CDC25A: variants seen among roughly 807,000 people sequenced by gnomAD.
CDC25A encodes M-phase inducer phosphatase 1.
CDC25A carries 17 observed loss-of-function variants against 64.6 expected under a neutral mutation model. The observed-to-expected ratio is 0.26, with a 90% CI of 0.18 to 0.39. CDC25A has a LOEUF of 0.39. Among genes scored for constraint, CDC25A ranks in the 10% least tolerant of loss-of-function variants. CDC25A has a pLI of 1.00. For synonymous variants in CDC25A, 229 were observed against 238.6 expected, an observed-to-expected ratio of 0.96 and a Z score of 0.37; for missense variants, 473 against 654.8, an observed-to-expected ratio of 0.72 and a Z score of 3.03.
In CDC25A at chr3:48,157,416, C is replaced by CGT. The variant is rs1279326926; in HGVS notation, c.*1527_*1528dup. 2.0e-5 allele frequency: 3 copies of CGT among 152,602 alleles called. No individual in the cohort carries two copies. Among genetic ancestry groups the CGT allele is most frequent in the African/African-American group, 7.2e-5 (3 of 41,434 alleles). The allele number at this position is 152,602 out of a possible 1,614,324, so 9.5% of individuals were successfully genotyped here. ...TTTATAGCCAAATGTAACTCAAACC[C>CGT]GTAACACAGCAACTAGCCATCTCCA... On this transcript the variant is annotated 3_prime_UTR_variant, in exon 15 of 15. Coordinates refer to ENST00000302506, the MANE Select transcript of CDC25A (RefSeq NM_001789.3).
At chr3:48,163,777 C>T (rs1383293601) in intron 13 of CDC25A, among the ~76,000 whole-genome samples, 1 of 152,128 alleles carries the variant, frequency 6.6e-6, no homozygotes, top group Non-Finnish European at 1.5e-5. Context: ...ATACGGATCC[C>T]CACTTGGATC....
intron 10 of CDC25A, 63 bp from the exon 11 acceptor site, chr3:48,165,956 G>A (rs1277580252): frequency 2.7e-6 from 3 of 1,125,564 alleles, no homozygotes; most frequent in East Asian, 4.7e-5. Context: ...CACTTATACT[G>A]TTTTGTCTGG....
intron 9 of CDC25A, among the ~76,000 whole-genome samples, chr3:48,168,350 A>G (rs1435761360): frequency 7.7e-6 from 1 of 130,652 alleles, no homozygotes; most frequent in Non-Finnish European, 1.6e-5. Flanking sequence ...ATCAAAGAGC[A>G]AGACCCTGTC....
At chr3:48,168,275 C>G (rs1486554098) in intron 9 of CDC25A, among the ~76,000 whole-genome samples, 1 of 150,482 alleles carries the variant, frequency 6.6e-6, no homozygotes, top group Non-Finnish European at 1.5e-5. Context: ...TCACTTGAGC[C>G]CAGGAGTTCC....
intron 5 of CDC25A, among the ~76,000 whole-genome samples, chr3:48,182,261 G>A (rs983913669): frequency 1.3e-5 from 2 of 152,206 alleles, no homozygotes; most frequent in African/African-American, 4.8e-5. Context: ...TAAGGACAAG[G>A]ATTATGAACT....
intron 9 of CDC25A, among the ~76,000 whole-genome samples, chr3:48,168,311 A>C (rs1021298532): frequency 2.0e-5 from 3 of 149,510 alleles, no homozygotes; most frequent in Non-Finnish European, 4.4e-5. Context: ...AGGCAGGTGA[A>C]TCGCTTGAGC....
At chr3:48,170,843 GGAA>G (rs1320906469) in intron 9 of CDC25A, among the ~76,000 whole-genome samples, 4 of 151,908 alleles carry the variant, frequency 2.6e-5, no homozygotes, top group Admixed American at 6.6e-5. Flanking sequence ...TGACAGAAGG[GGAA>G]GAAGACTAAA....
rs3731540 is a variant in CDC25A at position 48,167,533 on chromosome 3, C to T, written c.1029+313G>A. On this transcript the variant is annotated intron_variant, in intron 10 of 14. Transcript: ENST00000302506. ...GCTACAGATTTATTTCTGCTGTACA[C>T]TATCCTGCTAATTACTATTTTTATA... Among the ~76,000 whole-genome samples, 235 of 152,304 alleles carry T rather than the reference C, an allele frequency of 1.5e-3. 2 individuals are homozygous for T. Among genetic ancestry groups the T allele is most frequent in the African/African-American group, 5.5e-3 (228 of 41,572 alleles).
At chr3:48,183,377 G>A (rs539397351) in intron 4 of CDC25A, among the ~76,000 whole-genome samples, 5 of 152,356 alleles carry the variant, frequency 3.3e-5, no homozygotes, top group African/African-American at 1.2e-4. Context: ...AATTCCTCCA[G>A]ACCGAACATC....
chr3:48,187,961 C>T lies in CDC25A; in HGVS notation c.-14G>A. The T allele has an allele frequency of 6.8e-7, 1 of 1,463,234 alleles. No homozygotes were observed. The highest frequency in any genetic ancestry group is 1.4e-5 in the South Asian group (1 of 73,540). The allele number at this position is 1,463,234 out of a possible 1,614,324, so 90.6% of individuals were successfully genotyped here. The stretch of plus-strand genomic sequence containing the variant: ...GCCCAGTTCCATGGCGGCGCCCGGC[C>T]TCGCAGAGCTCCCGCTCCCTCTTCC... On this transcript the variant is annotated 5_prime_UTR_variant, in exon 1 of 15. Transcript: ENST00000302506.
chr3:48,171,417 A>G (rs1411390964), intron 9 of CDC25A, among the ~76,000 whole-genome samples: 4 of 146,990 alleles, frequency 2.7e-5, no homozygotes, highest in African/African-American at 1.0e-4. Flanking sequence ...ATCTCACTCT[A>G]TCACCCAGGC....
intron 13 of CDC25A, among the ~76,000 whole-genome samples, chr3:48,163,820 C>T (rs900102140): frequency 1.3e-5 from 2 of 152,068 alleles, no homozygotes; most frequent in African/African-American, 4.8e-5. Flanking sequence ...TGGTCCTGCT[C>T]GCTGTGGTAT....
At chr3:48,165,401 T>C (rs1213579255) in intron 12 of CDC25A, among the ~76,000 whole-genome samples, 2 of 132,918 alleles carry the variant, frequency 1.5e-5, no homozygotes, top group African/African-American at 5.7e-5. Flanking sequence ...TTGATAATGA[T>C]GGTGTGAGGG....
In CDC25A at chr3:48,174,257, G is replaced by C. The variant is rs763763929; in HGVS notation, c.930+27C>G. On this transcript the variant is annotated intron_variant, in intron 9 of 14. Coordinates refer to ENST00000302506, the MANE Select transcript of CDC25A (RefSeq NM_001789.3). ...ACTGAAAAATACAGTATCTGTGCTAGAGCAAAAAGGAACCTAGGAAACTAA... is the reference window on the plus strand; with the variant it reads ...ACTGAAAAATACAGTATCTGTGCTACAGCAAAAAGGAACCTAGGAAACTAA... 7 of 1,586,952 alleles carry C rather than the reference G, an allele frequency of 4.4e-6. No homozygotes were observed. The South Asian group carries it at 5.8e-5, about 13-fold the overall frequency.
Position 48,174,274 on chromosome 3 carries a change from G to A in CDC25A, c.930+10C>T, listed in dbSNP as rs2032373487. 5.6e-6 allele frequency: 9 copies of A among 1,600,584 alleles called. No individual in the cohort carries two copies. Among genetic ancestry groups the A allele is most frequent in the Non-Finnish European group, 6.8e-6 (8 of 1,176,186 alleles). On this transcript the variant is annotated intron_variant, in intron 9 of 14. Transcript: ENST00000302506. ...CTGTGCTAGAGCAAAAAGGAACCTAGGAAACTAACCTCATGGGCCTTCTCT... is the reference window on the plus strand; with the variant it reads ...CTGTGCTAGAGCAAAAAGGAACCTAAGAAACTAACCTCATGGGCCTTCTCT...
At position 48,188,256 on chromosome 3, in the gene CDC25A, G is replaced by A. The variant is rs2032926105; in HGVS notation, c.-309C>T. On this transcript the variant is annotated 5_prime_UTR_variant, in exon 1 of 15. Coordinates refer to ENST00000302506, the MANE Select transcript of CDC25A (RefSeq NM_001789.3). The stretch of plus-strand genomic sequence containing the variant: ...AAACAAACGTGGCGGGTCGGCAAGA[G>A]AAGCCGGGCGAGAGCCTCGAGGCAA... 4.0e-6 allele frequency: 1 copy of A among 249,784 alleles called. No homozygotes were observed. Among genetic ancestry groups the A allele is most frequent in the Non-Finnish European group, 7.6e-6 (1 of 131,654 alleles). The allele number at this position is 249,784 out of a possible 1,614,324, so 15.5% of individuals were successfully genotyped here. A position where few individuals can be genotyped will look rare whatever the true frequency, so the allele number is the denominator to read the frequency against.
chr3:48,173,205 G>A (rs1237971670), intron 9 of CDC25A, among the ~76,000 whole-genome samples: 2 of 132,304 alleles, frequency 1.5e-5, no homozygotes, highest in Non-Finnish European at 3.1e-5. Flanking sequence ...GCGACAGAGC[G>A]TCTCAAAAAA....
At chr3:48,171,625 C>T (rs2032274054) in intron 9 of CDC25A, among the ~76,000 whole-genome samples, 1 of 151,934 alleles carries the variant, frequency 6.6e-6, no homozygotes, top group Non-Finnish European at 1.5e-5. Flanking sequence ...GTGATCCACC[C>T]GCCTTGTCCT....
intron 10 of CDC25A, among the ~76,000 whole-genome samples, chr3:48,167,320 T>C (rs1342822070): frequency 6.6e-6 from 1 of 152,222 alleles, no homozygotes; most frequent in Non-Finnish European, 1.5e-5. Flanking sequence ...TATTGACACA[T>C]TCCCTGTCCT....
Sources: allele counts gnomAD v4.1 joint callset (sites outside exome capture counted in the v4.1 genomes callset), GRCh38; gene constraint gnomAD v4.1.1; transcripts MANE v1.5; gene names NCBI Gene and HGNC (gene_info 2026-07-23, HGNC 2026-07-21).